Variants in CCDC13 observed in about 807,000 individuals in gnomAD.
CCDC13 encodes the protein coiled-coil domain containing 13, also known as coiled-coil domain-containing protein 13.
In CCDC13, 70 loss-of-function variants were observed where a neutral mutation model predicts 87.3. The observed-to-expected ratio is 0.80, with a 90% CI of 0.66 to 0.98. CCDC13 has a LOEUF of 0.98. Among genes scored for constraint, CCDC13 ranks in the 50% least tolerant of loss-of-function variants. The pLI, the probability that CCDC13 is intolerant of heterozygous loss-of-function variation, is 0.00. For synonymous variants in CCDC13, 317 were observed against 360.3 expected, an observed-to-expected ratio of 0.88 and a Z score of 1.36; for missense variants, 842 against 892.0, an observed-to-expected ratio of 0.94 and a Z score of 0.71.
At chr3:42,716,011 C>G (rs1369198771) in intron 13 of CCDC13, among the ~76,000 whole-genome samples, 1 of 152,186 alleles carries the variant, frequency 6.6e-6, no homozygotes, top group Non-Finnish European at 1.5e-5. Flanking sequence ...TAAGACACAT[C>G]CTTGGACCCA....
At chr3:42,772,192 C>G (rs1700132836) in intron 1 of CCDC13, among the ~76,000 whole-genome samples, 1 of 146,070 alleles carries the variant, frequency 6.8e-6, no homozygotes, top group Non-Finnish European at 1.5e-5. Flanking sequence ...ATCGCTTGAA[C>G]CTGGGAGGCA....
chr3:42,753,627 G>A (rs1699638181), intron 3 of CCDC13, among the ~76,000 whole-genome samples: 1 of 152,212 alleles, frequency 6.6e-6, no homozygotes, highest in Non-Finnish European at 1.5e-5. Context: ...GGGCAAGGGG[G>A]TAAGAACGAG....
chr3:42,720,902 A>C (rs911094657), intron 13 of CCDC13, among the ~76,000 whole-genome samples: 1 of 152,204 alleles, frequency 6.6e-6, no homozygotes, highest in Non-Finnish European at 1.5e-5. Flanking sequence ...AGTTTGTAAG[A>C]ATCTCACCTT....
chr3:42,741,006 T>A (rs12493321), intron 8 of CCDC13: 24,904 of 152,240 alleles, frequency 0.16, 2,154 homozygotes, highest in South Asian at 0.25. Flanking sequence ...AGGGAATGCA[T>A]GCAGGAAGCT....
rs928362079 is a variant in CCDC13, at chr3:42,707,537, G to A, written c.*1443C>T. On this transcript the variant is annotated 3_prime_UTR_variant, in exon 16 of 16. Coordinates refer to ENST00000310232, the MANE Select transcript of CCDC13 (RefSeq NM_144719.4). Reference sequence around the variant, plus strand: ...AAGACAGGGTCCCAGGAGCCGCAGTGGCTTTTCCAAGGAAGGAGCTGACAA... The same window carrying A: ...AAGACAGGGTCCCAGGAGCCGCAGTAGCTTTTCCAAGGAAGGAGCTGACAA... Among the ~76,000 whole-genome samples, 2 of 152,200 alleles carry A rather than the reference G, an allele frequency of 1.3e-5. No individual in the cohort carries two copies. Among genetic ancestry groups the A allele is most frequent in the African/African-American group, 4.8e-5 (2 of 41,456 alleles).
intron 13 of CCDC13, 100 bp from the exon 14 acceptor site, chr3:42,713,416 T>C: frequency 1.7e-6 from 2 of 1,149,354 alleles, no homozygotes; most frequent in Middle Eastern, 2.4e-4. Context: ...CATCTTACAT[T>C]GGTAGTGATG....
chr3:42,720,275 G>A (rs370600734), intron 13 of CCDC13, among the ~76,000 whole-genome samples: 9 of 152,134 alleles, frequency 5.9e-5, no homozygotes, highest in African/African-American at 1.9e-4. Flanking sequence ...GGGAATTTAC[G>A]CAAGAAATGT....
At chr3:42,720,342 T>C (rs1264778351) in intron 13 of CCDC13, among the ~76,000 whole-genome samples, 2 of 152,226 alleles carry the variant, frequency 1.3e-5, no homozygotes, top group Non-Finnish European at 2.9e-5. Flanking sequence ...CCATTATGAC[T>C]CTTAACTGTA....
At chr3:42,737,885 C>A (rs1257631626) in intron 9 of CCDC13, among the ~76,000 whole-genome samples, 1 of 152,178 alleles carries the variant, frequency 6.6e-6, no homozygotes, top group Non-Finnish European at 1.5e-5. Flanking sequence ...ATGGTAGTTT[C>A]TTTTGCCATG....
intron 5 of CCDC13, among the ~76,000 whole-genome samples, chr3:42,748,909 C>T (rs901200829): frequency 6.6e-6 from 1 of 152,122 alleles, no homozygotes; most frequent in African/African-American, 2.4e-5. Context: ...GTGCCCACCA[C>T]CATGCCTGGC....
chr3:42,714,490 G>A lies in CCDC13; in HGVS notation c.1719-1174C>T, dbSNP rs2125870015. Among the ~76,000 whole-genome samples the A allele has an allele frequency of 2.6e-5, 4 of 152,308 alleles. No homozygotes were observed. In the East Asian group the frequency reaches 7.7e-4, roughly 29 times the overall value. On this transcript the variant is annotated intron_variant, in intron 13 of 15. Coordinates refer to ENST00000310232, the MANE Select transcript of CCDC13 (RefSeq NM_144719.4). The stretch of plus-strand genomic sequence containing the variant: ...TGTTTTCTACATGCCTGTCATAAAT[G>A]TTATTTCACATGAAGCACTTGTTTA...
At chr3:42,729,456 T>C (rs1698767346) in intron 13 of CCDC13, among the ~76,000 whole-genome samples, 1 of 152,234 alleles carries the variant, frequency 6.6e-6, no homozygotes, top group African/African-American at 2.4e-5. Context: ...CTCCTTCTTT[T>C]GCTATCAGTA....
In CCDC13 at chr3:42,709,052, G is replaced by A; in HGVS notation, c.2076C>T (p.Tyr692=). The change falls in exon 16 of 16, where the codon TAC becomes TAT. Residue 692 remains tyrosine (Y), a synonymous_variant. Transcript: ENST00000310232. ...LRGKEEDFRM[Y]HEILGQVKSV... Reference sequence around the variant, plus strand: ...TTTTCACCTGGCCCAGGATCTCATGGTACATCCGGAAGTCCTCCTCCTTTC... The same window carrying A: ...TTTTCACCTGGCCCAGGATCTCATGATACATCCGGAAGTCCTCCTCCTTTC... 6.2e-7 allele frequency: 1 copy of A among 1,614,092 alleles called. No individual in the cohort carries two copies. The highest frequency in any genetic ancestry group is 1.7e-5 in the Admixed American group (1 of 60,018).
At chr3:42,743,347 G>A (rs1307647537) in intron 7 of CCDC13, among the ~76,000 whole-genome samples, 1 of 151,890 alleles carries the variant, frequency 6.6e-6, no homozygotes, top group Admixed American at 6.6e-5. Context: ...CCAGGAACCA[G>A]GGATGGATAG....
intron 3 of CCDC13, among the ~76,000 whole-genome samples, chr3:42,754,882 T>C (rs1292212642): frequency 3.3e-5 from 5 of 152,170 alleles, no homozygotes; most frequent in East Asian, 1.9e-4. Flanking sequence ...AGCTCTACTG[T>C]TGAAGCTGCA....
chr3:42,746,890 A>G (rs533426448), intron 6 of CCDC13: 2 of 361,858 alleles, frequency 5.5e-6, no homozygotes, highest in African/African-American at 2.1e-5. Flanking sequence ...CAAGTTAAGT[A>G]AGGGTGACAT....
chr3:42,713,954 G>A (rs1338726765), intron 13 of CCDC13: 1 of 152,230 alleles, frequency 6.6e-6, no homozygotes, highest in Non-Finnish European at 1.5e-5. Context: ...GGTTCCGGGG[G>A]AAAATCCACT....
In CCDC13 at chr3:42,707,691, T is replaced by C. The variant is rs1698209134; in HGVS notation, c.*1289A>G. On this transcript the variant is annotated 3_prime_UTR_variant, in exon 16 of 16. Transcript: ENST00000310232. ...ATGTCTTCACGTGTGGGAATGTGTG[T>C]CCACATCCACATGTGTGTGCTCATC... 1.3e-5 allele frequency among the ~76,000 whole-genome samples: 2 copies of C among 152,222 alleles called. No homozygotes were observed. Among genetic ancestry groups the C allele is most frequent in the Admixed American group, 1.3e-4 (2 of 15,286 alleles).
rs187187197 is a variant in CCDC13, at chr3:42,721,518, T to C, written c.1719-8202A>G. On this transcript the variant is annotated intron_variant, in intron 13 of 15. Transcript: ENST00000310232. ...TTCAAACGTTGCTGATCCTTTGTTTTGTTTTTCAGAGTCAAGGAAACTTTT... is the reference window on the plus strand; with the variant it reads ...TTCAAACGTTGCTGATCCTTTGTTTCGTTTTTCAGAGTCAAGGAAACTTTT... Among the ~76,000 whole-genome samples, 20 of 152,384 alleles carry C rather than the reference T, an allele frequency of 1.3e-4. No homozygotes were observed. The East Asian group carries it at 3.7e-3, about 28-fold the overall frequency.
Sources: allele counts gnomAD v4.1 joint callset (sites outside exome capture counted in the v4.1 genomes callset), GRCh38; gene constraint gnomAD v4.1.1; transcripts MANE v1.5; gene names NCBI Gene and HGNC (gene_info 2026-07-23, HGNC 2026-07-21).